The following SLC22A25 variants were observed in gnomAD, a reference collection of about 807,000 sequenced individuals.
SLC22A25 encodes the protein solute carrier family 22 member 25.
In SLC22A25, 44 loss-of-function variants were observed where a neutral mutation model predicts 45.9. The ratio of observed to expected loss-of-function variants is 0.96; its 90% confidence interval spans 0.75 to 1.23. The LOEUF (loss-of-function observed/expected upper bound fraction) is 1.23. SLC22A25 is among the 50% of genes most tolerant of loss of function. The pLI, the probability that SLC22A25 is intolerant of heterozygous loss-of-function variation, is 0.00. For missense variants in SLC22A25, 800 were observed against 666.4 expected (o/e 1.20, Z -2.21); for synonymous variants, 283 against 238.6 (o/e 1.19, Z -1.72).
intron 7 of SLC22A25, among the ~76,000 whole-genome samples, chr11:63,202,613 C>G (rs2089281720): frequency 6.6e-6 from 1 of 152,356 alleles, no homozygotes; most frequent in East Asian, 1.9e-4. Context: ...TAGATTCCTT[C>G]TCTCTGGGCA....
chr11:63,164,913 C>G (rs1032831371), intron 10 of SLC22A25, among the ~76,000 whole-genome samples: 18 of 151,948 alleles, frequency 1.2e-4, no homozygotes, highest in Middle Eastern at 3.4e-3. Flanking sequence ...AACATTAGAG[C>G]TAAAGAGTTT....
intron 7 of SLC22A25, among the ~76,000 whole-genome samples, chr11:63,185,510 G>A (rs1191645802): frequency 6.8e-6 from 1 of 147,432 alleles, no homozygotes; most frequent in Admixed American, 6.8e-5. Context: ...GTGTATATGT[G>A]CCACATTTTC....
At chr11:63,228,897 A>G (rs1271139605) in intron 4 of SLC22A25, among the ~76,000 whole-genome samples, 1 of 152,226 alleles carries the variant, frequency 6.6e-6, no homozygotes, top group Non-Finnish European at 1.5e-5. Flanking sequence ...TGTAAGATAT[A>G]GTCTGGACTT....
chr11:63,186,523 T>C (rs2134744099), intron 7 of SLC22A25, among the ~76,000 whole-genome samples: 1 of 152,060 alleles, frequency 6.6e-6, no homozygotes, highest in South Asian at 2.1e-4. Context: ...TAGTTTCTTT[T>C]GCTGTGCAGA....
chr11:63,195,036 C>T (rs1415087119), intron 7 of SLC22A25, among the ~76,000 whole-genome samples: 3 of 150,314 alleles, frequency 2.0e-5, no homozygotes, highest in East Asian at 2.0e-4. Flanking sequence ...GGGATCAATG[C>T]AACAAGAAGA....
At chr11:63,243,363 G>A in intron 1 of SLC22A25, 71 bp downstream of exon 1, 1 of 613,126 alleles carries the variant, frequency 1.6e-6, no homozygotes, top group Non-Finnish European at 3.0e-6. Flanking sequence ...TCAGCCACCT[G>A]TTAACTAATG....
chr11:63,199,311 G>A (rs2089163955), intron 7 of SLC22A25, among the ~76,000 whole-genome samples: 2 of 152,028 alleles, frequency 1.3e-5, no homozygotes, highest in African/African-American at 4.8e-5. Context: ...AGAAGAAATG[G>A]ATAAATTCCT....
intron 3 of SLC22A25, among the ~76,000 whole-genome samples, chr11:63,236,922 G>A (rs2090174753): frequency 6.6e-6 from 1 of 152,112 alleles, no homozygotes; most frequent in Non-Finnish European, 1.5e-5. Context: ...CTTGTATCCA[G>A]CATAGAACAC....
intron 7 of SLC22A25, among the ~76,000 whole-genome samples, chr11:63,195,384 C>G (rs769265245): frequency 1.3e-5 from 2 of 152,070 alleles, no homozygotes; most frequent in African/African-American, 4.8e-5. Context: ...TGTAAAAGAA[C>G]AGAAATCACA....
chr11:63,194,816 C>A (rs536764311), intron 7 of SLC22A25, among the ~76,000 whole-genome samples: 1 of 143,612 alleles, frequency 7.0e-6, no homozygotes, highest in East Asian at 2.1e-4. Flanking sequence ...ATTCAGGAGA[C>A]CCATCTCATG....
At chr11:63,197,438 C>A (rs2089082063) in intron 7 of SLC22A25, among the ~76,000 whole-genome samples, 1 of 152,154 alleles carries the variant, frequency 6.6e-6, no homozygotes, top group Non-Finnish European at 1.5e-5. Flanking sequence ...ACGGAGTCCC[C>A]AGATATAATA....
At chr11:63,213,915 C>T (rs190320140) in intron 7 of SLC22A25, among the ~76,000 whole-genome samples, 1 of 152,330 alleles carries the variant, frequency 6.6e-6, no homozygotes, top group African/African-American at 2.4e-5. Context: ...AGTCGAGGCT[C>T]AAGCCTTACC....
At chr11:63,199,673 TC>T (rs2089176093) in intron 7 of SLC22A25, among the ~76,000 whole-genome samples, 1 of 151,880 alleles carries the variant, frequency 6.6e-6, no homozygotes, top group African/African-American at 2.4e-5. Context: ...GCTACTTAGG[TC>T]ATAAGTCAAA....
intron 9 of SLC22A25, among the ~76,000 whole-genome samples, chr11:63,177,891 A>G (rs1273202505): frequency 1.0e-5 from 1 of 98,520 alleles, no homozygotes; most frequent in African/African-American, 3.7e-5. Context: ...TATATAATAT[A>G]TATATATAAT....
intron 5 of SLC22A25, among the ~76,000 whole-genome samples, chr11:63,227,646 C>A (rs1286117255): frequency 6.6e-6 from 1 of 152,214 alleles, no homozygotes; most frequent in Non-Finnish European, 1.5e-5. Flanking sequence ...CCATTAGCCA[C>A]CCAAGCTGTT....
chr11:63,179,260 A>G (rs1424890699), intron 9 of SLC22A25, among the ~76,000 whole-genome samples: 1 of 151,862 alleles, frequency 6.6e-6, no homozygotes, highest in Non-Finnish European at 1.5e-5. Context: ...CCTGGTCTAT[A>G]TCTCTCCATT....
chr11:63,225,048 G>A (rs2089931162), intron 5 of SLC22A25, among the ~76,000 whole-genome samples: 1 of 152,162 alleles, frequency 6.6e-6, no homozygotes, highest in Non-Finnish European at 1.5e-5. Flanking sequence ...GCAGTGAGCC[G>A]AGATTGTGCC....
Position 63,163,047 on chromosome 11 carries a change from T to G in SLC22A25, c.*777A>C, listed in dbSNP as rs76346985. On this transcript the variant is annotated 3_prime_UTR_variant, in exon 12 of 12. Coordinates refer to ENST00000306494, the MANE Select transcript of SLC22A25 (RefSeq NM_199352.6). ...ACTAAACATATAAGTCCTGCATTCT[T>G]TAGGACATACTGATTCTTTGCCCAC... is the stretch of plus-strand genomic sequence containing the variant. Among the ~76,000 whole-genome samples the G allele has an allele frequency of 8.2e-3, 1,241 of 152,254 alleles. 14 individuals are homozygous for G. The highest frequency in any genetic ancestry group is 0.027 in the African/African-American group (1,129 of 41,550).
chr11:63,229,441 G>T lies in SLC22A25; in HGVS notation c.212C>A (p.Ala71Asp). 1 of 1,614,074 alleles carries T rather than the reference G, an allele frequency of 6.2e-7. No homozygotes were observed. The highest frequency in any genetic ancestry group is 8.5e-7 in the Non-Finnish European group (1 of 1,179,940). The change falls in exon 4 of 12, where the codon GCC becomes GAC. Residue 71 changes from alanine to aspartate, a missense_variant. Ala to Asp is a moderately radical substitution (Grantham distance 126, BLOSUM62 -2). Coordinates refer to ENST00000306494, the MANE Select transcript of SLC22A25 (RefSeq NM_199352.6). ...DNDPGTLSQDALLRISIPFDS... is the reference protein window; with the variant it reads ...DNDPGTLSQDDLLRISIPFDS... ...GAATGGGATGGAGATTCTCAGGAGGGCATCCTGGCTGAGGGTCCCAGGGTC... is the reference window on the plus strand; with the variant it reads ...GAATGGGATGGAGATTCTCAGGAGGTCATCCTGGCTGAGGGTCCCAGGGTC...
Sources: gnomAD v4.1 joint callset for allele counts (sites outside exome capture counted in the v4.1 genomes callset) on GRCh38, gnomAD v4.1.1 for gene constraint, MANE v1.5 for transcripts, NCBI Gene and HGNC (gene_info 2026-07-23, HGNC 2026-07-21) for gene names.